The following STAU2 variants were observed in gnomAD, a reference collection of about 807,000 sequenced individuals.
The protein encoded by STAU2 is staufen double-stranded RNA binding protein 2, also known as double-stranded RNA-binding protein Staufen homolog 2.
A neutral mutation model predicts 65.9 loss-of-function variants in STAU2; 20 were observed. The ratio of observed to expected loss-of-function variants is 0.30; its 90% CI spans 0.21 to 0.44. STAU2 has a LOEUF of 0.44. STAU2 is among the 20% of genes least tolerant of loss of function. STAU2 has a pLI of 1.00. For synonymous variants in STAU2, 232 were observed against 233.9 expected (o/e 0.99, Z 0.07); for missense variants, 558 against 683.9 (o/e 0.82, Z 2.05).
intron 9 of STAU2, among the ~76,000 whole-genome samples, chr8:73,607,299 A>T (rs1342602125): frequency 6.6e-6 from 1 of 152,228 alleles, no homozygotes; most frequent in Non-Finnish European, 1.5e-5. Context: ...GAAGAAGAGC[A>T]TACAGAGAGC....
Position 73,421,390 on chromosome 8 carries a change from T to C in STAU2, c.1695A>G (p.Lys565=), listed in dbSNP as rs1427595949. 1 of 1,537,280 alleles carries C rather than the reference T, an allele frequency of 6.5e-7. No individual in the cohort carries two copies. The highest frequency in any genetic ancestry group is 8.7e-7 in the Non-Finnish European group (1 of 1,146,926). The change falls in exon 15 of 15, where the codon AAA becomes AAG. Residue 565 remains lysine (K), a synonymous_variant. Transcript: ENST00000524300. The stretch of plus-strand genomic sequence containing the variant: ...GGAGCTGCTAGACGGCCGAGTTTGA[T>C]TTCTTGCAGTCCTGAGCGATGGAGC... ...PPGSIAQDCK[K]SNSAV is the part of the protein sequence containing the mutation.
chr8:73,646,962 C>CACACACACAT (rs1815429792), intron 6 of STAU2, among the ~76,000 whole-genome samples: 1 of 151,578 alleles, frequency 6.6e-6, no homozygotes, highest in African/African-American at 2.4e-5. Context: ...CACACACACA[C>CACACACACAT]ACACACACAC....
At chr8:73,684,649 A>C (rs1190751089) in intron 5 of STAU2, among the ~76,000 whole-genome samples, 1 of 152,192 alleles carries the variant, frequency 6.6e-6, no homozygotes, top group East Asian at 1.9e-4. Flanking sequence ...CAGTTAAATA[A>C]ATAATCAGCA....
chr8:73,565,862 T>C (rs1586016750), intron 12 of STAU2, among the ~76,000 whole-genome samples: 2 of 152,234 alleles, frequency 1.3e-5, no homozygotes, highest in Non-Finnish European at 2.9e-5. Context: ...AATCAGCCTA[T>C]GATAAAACTG....
At chr8:73,436,647 C>T (rs1022384565) in intron 13 of STAU2, among the ~76,000 whole-genome samples, 5 of 151,142 alleles carry the variant, frequency 3.3e-5, no homozygotes, top group African/African-American at 1.2e-4. Flanking sequence ...AGTGCAGTGG[C>T]GCGATCTCGG....
In STAU2 at chr8:73,470,566, G is replaced by A. The variant is rs977086735; in HGVS notation, c.1531-47864C>T. ...TAATCCCAACAATTTGGGAGGCCTA[G>A]ATGGGAGGATTGCTTGAAGCCAGGA... On this transcript the variant is annotated intron_variant, in intron 13 of 14. Coordinates refer to ENST00000524300, the MANE Select transcript of STAU2 (RefSeq NM_001164380.2). 5.9e-5 allele frequency among the ~76,000 whole-genome samples: 9 copies of A among 152,214 alleles called. 1 individual carries two copies. Among genetic ancestry groups the A allele is most frequent in the African/African-American group, 1.7e-4 (7 of 41,454 alleles).
chr8:73,588,036 G>C (rs1810500278), intron 11 of STAU2, among the ~76,000 whole-genome samples: 1 of 152,110 alleles, frequency 6.6e-6, no homozygotes, highest in Non-Finnish European at 1.5e-5. Flanking sequence ...TAAGATATCT[G>C]AATGAAGAAA....
In STAU2 at chr8:73,539,848, CA is replaced by C. The variant is rs539856610; in HGVS notation, c.1530+12163del. 4.4e-3 allele frequency among the ~76,000 whole-genome samples: 381 copies of C among 87,000 alleles called. 2 individuals carry two copies. Among genetic ancestry groups the C allele is most frequent in the South Asian group, 7.6e-3 (21 of 2,746 alleles). The allele number at this position is 87,000 out of a possible 152,430, so 57.1% of individuals were successfully genotyped here. ...GACAGAGTGAAATTCCATCCCCATC[CA>C]AAAAAAAAAAAAAAAATTGTACAAT... is the stretch of plus-strand genomic sequence containing the variant. On this transcript the variant is annotated intron_variant, in intron 13 of 14. Transcript: ENST00000524300.
In STAU2 at chr8:73,669,637, T is replaced by TTCTCTCTCTCTCTC. The variant is rs34037884; in HGVS notation, c.410+3456_410+3469dup. Among the ~76,000 whole-genome samples the TTCTCTCTCTCTCTC allele has an allele frequency of 1.5e-3, 206 of 141,328 alleles. 1 individual carries two copies. The highest frequency in any genetic ancestry group is 4.4e-3 in the African/African-American group (166 of 37,844). The allele number at this position is 141,328 out of a possible 152,430, so 92.7% of individuals were successfully genotyped here. Reference sequence around the variant, plus strand: ...TACTTGCTATTTCTTGAGCCTGGAATTCTCTCTCTCTCTCTCTCTCTCTCT... The same window carrying TTCTCTCTCTCTCTC: ...TACTTGCTATTTCTTGAGCCTGGAATTCTCTCTCTCTCTCTCTCTCTCTCTCTCTCTCTCTCTCT... On this transcript the variant is annotated intron_variant, in intron 6 of 14. Transcript: ENST00000524300.
intron 6 of STAU2, among the ~76,000 whole-genome samples, chr8:73,630,043 C>T (rs970660191): frequency 6.6e-6 from 1 of 152,118 alleles, no homozygotes; most frequent in Non-Finnish European, 1.5e-5. Flanking sequence ...GCAACATTTG[C>T]TAAAATAGTA....
At chr8:73,496,474 G>T (rs1013021964) in intron 13 of STAU2, among the ~76,000 whole-genome samples, 234 of 151,762 alleles carry the variant, frequency 1.5e-3, no homozygotes, top group African/African-American at 5.6e-3. Context: ...CTGGGTCTGA[G>T]TATCAGCTCT....
intron 13 of STAU2, among the ~76,000 whole-genome samples, chr8:73,471,522 T>TAA (rs373805321): frequency 0.39 from 53,257 of 136,030 alleles, 11,056 homozygotes; most frequent in Non-Finnish European, 0.45. Flanking sequence ...CTTCTGTAAT[T>TAA]AAAAAAAAAA....
At chr8:73,424,088 A>G (rs1174195534) in intron 13 of STAU2, among the ~76,000 whole-genome samples, 1 of 92,924 alleles carries the variant, frequency 1.1e-5, no homozygotes, top group Admixed American at 1.5e-4. Context: ...GGCAACCACC[A>G]ATCTTTTTAC....
chr8:73,549,926 T>G (rs1421300362), intron 13 of STAU2: 2 of 985,712 alleles, frequency 2.0e-6, no homozygotes, highest in Non-Finnish European at 2.4e-6. Flanking sequence ...CTACATGTTT[T>G]TCTACCAGGT....
chr8:73,438,168 TC>T (rs1244197028), intron 13 of STAU2, among the ~76,000 whole-genome samples: 1 of 152,128 alleles, frequency 6.6e-6, no homozygotes, highest in African/African-American at 2.4e-5. Context: ...CTTGTCTCAG[TC>T]TGTCATTATT....
intron 13 of STAU2, among the ~76,000 whole-genome samples, chr8:73,473,856 G>A (rs1343817200): frequency 6.6e-6 from 1 of 152,210 alleles, no homozygotes; most frequent in Non-Finnish European, 1.5e-5. Flanking sequence ...GCAGAAAGCG[G>A]GAGGAGTGAA....
intron 12 of STAU2, among the ~76,000 whole-genome samples, chr8:73,558,559 A>T (rs990803709): frequency 6.6e-6 from 1 of 152,226 alleles, no homozygotes; most frequent in African/African-American, 2.4e-5. Context: ...AAGCGAACTT[A>T]GGAGAACCTT....
rs1029379980 is a variant in STAU2 at position 73,421,551 on chromosome 8, C to T, written c.1620-86G>A. 5 of 1,241,322 alleles carry T rather than the reference C, an allele frequency of 4.0e-6. No individual in the cohort carries two copies. The African/African-American group carries it at 7.5e-5, about 19-fold the overall frequency. The allele number at this position is 1,241,322 out of a possible 1,614,324, so 76.9% of individuals were successfully genotyped here. A position where few individuals can be genotyped will look rare whatever the true frequency, so the allele number is the denominator to read the frequency against. ...TTATTAGCAGATGGCACAGAGGATTCAAAGGTCACCACAAAAGTGACATTT... is the reference window on the plus strand; with the variant it reads ...TTATTAGCAGATGGCACAGAGGATTTAAAGGTCACCACAAAAGTGACATTT... On this transcript the variant is annotated intron_variant, in intron 14 of 14. Transcript: ENST00000524300.
At chr8:73,534,498 C>T (rs1374770059) in intron 13 of STAU2, among the ~76,000 whole-genome samples, 1 of 152,070 alleles carries the variant, frequency 6.6e-6, no homozygotes, top group Non-Finnish European at 1.5e-5. Context: ...TACAAATCTA[C>T]ATGTTAGTTC....
Sources: gnomAD v4.1 joint callset for allele counts (sites outside exome capture counted in the v4.1 genomes callset) on GRCh38, gnomAD v4.1.1 for gene constraint, MANE v1.5 for transcripts, NCBI Gene and HGNC (gene_info 2026-07-23, HGNC 2026-07-21) for gene names.